Variants in PCED1B observed in about 807,000 individuals in gnomAD.
The protein encoded by PCED1B is PC-esterase domain containing 1B.
For missense variants in PCED1B, 573 were observed against 573.9 expected (o/e 1.00, Z 0.02); for synonymous variants, 251 against 246.1 (o/e 1.02, Z -0.19).
At chr12:47,145,773 CT>C (rs1361938911) in intron 2 of PCED1B, among the ~76,000 whole-genome samples, 1 of 152,156 alleles carries the variant, frequency 6.6e-6, no homozygotes, top group Admixed American at 6.5e-5. Flanking sequence ...AATATTACTG[CT>C]TATTGACAAT....
intron 2 of PCED1B, among the ~76,000 whole-genome samples, chr12:47,206,846 C>G (rs1942927154): frequency 6.6e-6 from 1 of 152,186 alleles, no homozygotes; most frequent in Non-Finnish European, 1.5e-5. Flanking sequence ...AGACACTACC[C>G]TGTTTCTACC....
chr12:47,094,358 T>G (rs1592134130), intron 1 of PCED1B, among the ~76,000 whole-genome samples: 1 of 152,314 alleles, frequency 6.6e-6, no homozygotes, highest in East Asian at 1.9e-4. Flanking sequence ...GTTTTTTATC[T>G]AATCTGACAG....
At chr12:47,172,801 G>A (rs1019376545) in intron 2 of PCED1B, among the ~76,000 whole-genome samples, 1 of 152,180 alleles carries the variant, frequency 6.6e-6, no homozygotes, top group Non-Finnish European at 1.5e-5. Flanking sequence ...TGTTGGGAAG[G>A]AACTGTCTCC....
chr12:47,188,606 C>T (rs867479154), intron 2 of PCED1B, among the ~76,000 whole-genome samples: 6 of 152,268 alleles, frequency 3.9e-5, no homozygotes, highest in Middle Eastern at 3.4e-3. Context: ...TCAATGTGTA[C>T]CTGAACATCC....
chr12:47,098,683 T>C (rs1331728635), intron 1 of PCED1B, among the ~76,000 whole-genome samples: 1 of 151,992 alleles, frequency 6.6e-6, no homozygotes, highest in East Asian at 1.9e-4. Context: ...GGGGTTTCAT[T>C]GTGTAAGCCA....
intron 2 of PCED1B, among the ~76,000 whole-genome samples, chr12:47,200,548 T>G (rs1942732241): frequency 6.6e-6 from 1 of 152,194 alleles, no homozygotes; most frequent in South Asian, 2.1e-4. Context: ...TTTTACAAAG[T>G]TAAACATAGT....
rs912319420 is a variant in PCED1B, at chr12:47,235,292, C to T, written c.229C>T (p.Arg77Cys). The stretch of plus-strand genomic sequence containing the variant: ...CCACATGCACAACGGCCTTAACTAC[C>T]GTGAGGTCCGCGAGTTCCGCTCCGA... Reference protein sequence around the residue: ...RGHMHNGLNYREVREFRSDHH... With the variant: ...RGHMHNGLNYCEVREFRSDHH... The change falls in exon 4 of 4, where the codon CGT becomes TGT. Residue 77 changes from arginine (R) to cysteine (C), a missense_variant. By Grantham distance (180) the Arg-to-Cys change is radical (BLOSUM62 -3). Transcript: ENST00000546455. 1.2e-6 allele frequency: 2 copies of T among 1,614,076 alleles called. No homozygotes were observed. Among genetic ancestry groups the T allele is most frequent in the South Asian group, 1.1e-5 (1 of 91,082 alleles).
At chr12:47,169,658 A>G (rs1941656053) in intron 2 of PCED1B, among the ~76,000 whole-genome samples, 1 of 152,138 alleles carries the variant, frequency 6.6e-6, no homozygotes, top group African/African-American at 2.4e-5. Flanking sequence ...GCTGTATCTA[A>G]TACATACAAA....
chr12:47,211,714 T>G (rs994948353), intron 2 of PCED1B, among the ~76,000 whole-genome samples: 2 of 150,528 alleles, frequency 1.3e-5, no homozygotes, highest in African/African-American at 4.9e-5. Context: ...TTCCAGCACT[T>G]TGGGAGGCTG....
intron 3 of PCED1B, among the ~76,000 whole-genome samples, chr12:47,229,573 A>G (rs1366776008): frequency 6.6e-6 from 1 of 152,192 alleles, no homozygotes; most frequent in Non-Finnish European, 1.5e-5. Context: ...TGTTTCATAT[A>G]CAGCATATAC....
Position 47,104,396 on chromosome 12 carries a change from T to C in PCED1B, c.-526+201T>C, listed in dbSNP as rs76318739. ...TAACTGGAATGATAATGGTAACCAT[T>C]GTATTGAAATGTTATGAGCATTAAA... On this transcript the variant is annotated intron_variant, in intron 2 of 3. Transcript: ENST00000546455. Among the ~76,000 whole-genome samples the C allele has an allele frequency of 5.3e-4, 80 of 152,330 alleles. No homozygotes were observed. In the East Asian group the frequency reaches 0.013, roughly 25 times the overall value.
intron 2 of PCED1B, among the ~76,000 whole-genome samples, chr12:47,168,809 G>A (rs1445108471): frequency 6.6e-6 from 1 of 151,924 alleles, no homozygotes; most frequent in East Asian, 1.9e-4. Flanking sequence ...TTTTTCATAA[G>A]TATTTAGAAT....
chr12:47,127,524 C>T (rs1037757930), intron 2 of PCED1B, among the ~76,000 whole-genome samples: 23 of 137,412 alleles, frequency 1.7e-4, no homozygotes, highest in Middle Eastern at 3.6e-3. Flanking sequence ...ATGTGCCACC[C>T]GGTTAATTTT....
At chr12:47,226,315 G>T (rs967777886) in intron 3 of PCED1B, among the ~76,000 whole-genome samples, 1 of 152,142 alleles carries the variant, frequency 6.6e-6, no homozygotes, top group South Asian at 2.1e-4. Flanking sequence ...ACATACATCC[G>T]TTTTAGCAGC....
rs111758238 is a variant in PCED1B at position 47,180,148 on chromosome 12, T to C, written c.-525-36074T>C. Among the ~76,000 whole-genome samples, 1,001 of 152,320 alleles carry C rather than the reference T, an allele frequency of 6.6e-3. 6 individuals are homozygous for C. Among genetic ancestry groups the C allele is most frequent in the African/African-American group, 0.023 (975 of 41,568 alleles). ...TGGTGTTCCTCACTATGTGTCTATG[T>C]GTTCTCATCGTTCACCTCCCACTTG... On this transcript the variant is annotated intron_variant, in intron 2 of 3. Coordinates refer to ENST00000546455, the MANE Select transcript of PCED1B (RefSeq NM_138371.3).
intron 2 of PCED1B, among the ~76,000 whole-genome samples, chr12:47,199,169 A>T (rs1430156340): frequency 6.6e-6 from 1 of 152,156 alleles, no homozygotes; most frequent in East Asian, 1.9e-4. Flanking sequence ...TCACATTTGC[A>T]CCAAAAAATT....
chr12:47,090,304 C>T (rs1005570798), intron 1 of PCED1B, among the ~76,000 whole-genome samples: 6 of 152,068 alleles, frequency 3.9e-5, no homozygotes, highest in South Asian at 2.1e-4. Flanking sequence ...TGAGGAGCCA[C>T]GTGGAGAAAA....
intron 2 of PCED1B, among the ~76,000 whole-genome samples, chr12:47,186,039 G>A (rs1221244338): frequency 2.0e-5 from 3 of 151,946 alleles, no homozygotes; most frequent in Admixed American, 2.0e-4. Context: ...CCAACATGGT[G>A]AAACCCCATC....
chr12:47,174,407 CAA>C (rs202246828), intron 2 of PCED1B, among the ~76,000 whole-genome samples: 1 of 124,224 alleles, frequency 8.0e-6, no homozygotes, highest in African/African-American at 3.0e-5. Context: ...AGACTCAATC[CAA>C]AAAAAAAAAA....
Sources: allele counts gnomAD v4.1 joint callset (sites outside exome capture counted in the v4.1 genomes callset), GRCh38; gene constraint gnomAD v4.1.1; transcripts MANE v1.5; gene names NCBI Gene and HGNC (gene_info 2026-07-23, HGNC 2026-07-21).